LRRC40: variants seen among roughly 807,000 people sequenced by gnomAD.
The protein encoded by LRRC40 is leucine-rich repeat-containing protein 40.
Under a neutral mutation model 72.8 loss-of-function variants are expected in LRRC40, and 76 were observed. The ratio of observed to expected loss-of-function variants is 1.04; its 90% CI spans 0.87 to 1.26. The LOEUF is 1.26. LRRC40 is among the 50% of genes most tolerant of loss of function. The pLI is 0.00. For missense variants in LRRC40, 684 were observed against 698.9 expected, an observed-to-expected ratio of 0.98 and a Z score of 0.24; for synonymous variants, 243 against 254.2, an observed-to-expected ratio of 0.96 and a Z score of 0.42.
chr1:70,163,073 CCTTTT>C (rs1239534699), intron 9 of LRRC40, among the ~76,000 whole-genome samples: 1 of 150,306 alleles, frequency 6.7e-6, no homozygotes, highest in Non-Finnish European at 1.5e-5. Flanking sequence ...TTTTTCCTTT[CCTTTT>C]CTTTTTTTTT....
intron 6 of LRRC40, among the ~76,000 whole-genome samples, chr1:70,176,660 T>A (rs986441499): frequency 8.6e-5 from 13 of 151,948 alleles, no homozygotes; most frequent in African/African-American, 3.1e-4. Flanking sequence ...GTTATTGATA[T>A]TATGCAGTTG....
Position 70,155,696 on chromosome 1 carries a change from G to A in LRRC40, c.1321C>T (p.Pro441Ser). 6.6e-7 allele frequency: 1 copy of A among 1,505,008 alleles called. No homozygotes were observed. The highest frequency in any genetic ancestry group is 9.0e-7 in the Non-Finnish European group (1 of 1,105,892). 93.2% of individuals were successfully genotyped at this position (1,505,008 alleles called of 1,614,324 possible). Residue 441 changes from proline (P) to serine (S), a missense_variant, in exon 11 of 15, where the codon CCA becomes TCA. Physicochemically the swap from Pro to Ser is moderately conservative, Grantham distance 74. Transcript: ENST00000370952. ...TGGCATCATAGTTCTTACCTTTTTG[G>A]AATTTCACATAGTTGATTCTTACTG... ...NFSKNQLCEI[P>S]KRMVELKEMV...
chr1:70,177,408 T>C (rs1331239869), intron 6 of LRRC40, among the ~76,000 whole-genome samples: 1 of 152,220 alleles, frequency 6.6e-6, no homozygotes, highest in African/African-American at 2.4e-5. Context: ...GGTGAGCCTA[T>C]GTTGTGAGTA....
At chr1:70,153,129 G>T (rs985967370) in intron 11 of LRRC40, among the ~76,000 whole-genome samples, 1 of 152,178 alleles carries the variant, frequency 6.6e-6, no homozygotes, top group Non-Finnish European at 1.5e-5. Context: ...AGGAGGCTGA[G>T]GCAGGTGGAT....
At position 70,205,374 on chromosome 1, in the gene LRRC40, T is replaced by A. The variant is rs1389018887; in HGVS notation, c.151+16A>T. 1 of 1,565,732 alleles carries A rather than the reference T, an allele frequency of 6.4e-7. No individual in the cohort carries two copies. Among genetic ancestry groups the A allele is most frequent in the Non-Finnish European group, 8.7e-7 (1 of 1,144,404 alleles). On this transcript the variant is annotated intron_variant, in intron 1 of 14. Transcript: ENST00000370952. ...TCTGACAGGAGACACAATAGGGTCG[T>A]ACCTCTGGGTCTTACCTTCACTGAG...
At chr1:70,190,373 A>G (rs1363440638) in intron 1 of LRRC40, among the ~76,000 whole-genome samples, 1 of 152,020 alleles carries the variant, frequency 6.6e-6, no homozygotes, top group Non-Finnish European at 1.5e-5. Context: ...AAGGCATGAG[A>G]CTTATACTCA....
intron 1 of LRRC40, among the ~76,000 whole-genome samples, chr1:70,193,308 G>T (rs1025583316): frequency 6.6e-6 from 1 of 151,872 alleles, no homozygotes; most frequent in Non-Finnish European, 1.5e-5. Flanking sequence ...GAATGTCATA[G>T]ATCCCACAGA....
At position 70,155,716 on chromosome 1, in the gene LRRC40, T is replaced by C. The variant is rs754295640; in HGVS notation, c.1301A>G (p.Lys434Arg). The C allele has an allele frequency of 6.4e-7, 1 of 1,567,126 alleles. No homozygotes were observed. The highest frequency in any genetic ancestry group is 1.7e-5 in the Admixed American group (1 of 58,604). Reference sequence around the variant, plus strand: ...TTTTGGAATTTCACATAGTTGATTCTTACTGAAGTTAATAGAAGTGACGAT... The same window carrying C: ...TTTTGGAATTTCACATAGTTGATTCCTACTGAAGTTAATAGAAGTGACGAT... Reference protein sequence around the residue: ...SNIVTSINFSKNQLCEIPKRM... With the variant: ...SNIVTSINFSRNQLCEIPKRM... The change falls in exon 11 of 15, where the codon AAG becomes AGG. Residue 434 changes from lysine (K) to arginine (R), a missense_variant. Physicochemically the swap from Lys to Arg is conservative, Grantham distance 26. Coordinates refer to ENST00000370952, the MANE Select transcript of LRRC40 (RefSeq NM_017768.5).
At chr1:70,190,705 A>ACTT (rs1571488921) in intron 1 of LRRC40, among the ~76,000 whole-genome samples, 2 of 141,426 alleles carry the variant, frequency 1.4e-5, no homozygotes, top group Non-Finnish European at 3.1e-5. Context: ...AACTTAAAAA[A>ACTT]AGAAAAAGAA....
chr1:70,200,825 G>A (rs756343937), intron 1 of LRRC40, among the ~76,000 whole-genome samples: 8 of 152,158 alleles, frequency 5.3e-5, no homozygotes, highest in African/African-American at 1.2e-4. Flanking sequence ...AAAAGAGAGC[G>A]TGCAAGAGAG....
chr1:70,181,726 G>A (rs892083107), intron 4 of LRRC40, among the ~76,000 whole-genome samples: 1 of 151,940 alleles, frequency 6.6e-6, no homozygotes, highest in Non-Finnish European at 1.5e-5. Context: ...TTCTTCTGCT[G>A]ACCTCAGAAA....
intron 9 of LRRC40, among the ~76,000 whole-genome samples, chr1:70,166,062 GCA>G (rs1312259987): frequency 6.6e-6 from 1 of 152,188 alleles, no homozygotes; most frequent in Non-Finnish European, 1.5e-5. Context: ...CTTAGATTAT[GCA>G]CACACATAAT....
intron 1 of LRRC40, among the ~76,000 whole-genome samples, chr1:70,193,501 G>A (rs528024347): frequency 6.6e-6 from 1 of 151,900 alleles, no homozygotes; most frequent in South Asian, 2.1e-4. Flanking sequence ...ATTCCAGGCA[G>A]ACATTTTCAC....
intron 10 of LRRC40, among the ~76,000 whole-genome samples, chr1:70,156,535 T>G (rs767314952): frequency 8.5e-5 from 13 of 152,324 alleles, no homozygotes; most frequent in Middle Eastern, 6.8e-3. Flanking sequence ...AAATTTTCAG[T>G]AAGGTTTTCA....
intron 1 of LRRC40, among the ~76,000 whole-genome samples, chr1:70,193,867 T>A (rs1047126522): frequency 6.6e-6 from 1 of 151,852 alleles, no homozygotes; most frequent in Non-Finnish European, 1.5e-5. Flanking sequence ...ATTGTTGAGA[T>A]ACAAAAAAAG....
chr1:70,167,550 ACT>A (rs1667910382), intron 9 of LRRC40, among the ~76,000 whole-genome samples: 1 of 152,084 alleles, frequency 6.6e-6, no homozygotes, highest in South Asian at 2.1e-4. Context: ...ACAGAATGAG[ACT>A]CTGTCTGAAA....
rs773401722 is a variant in LRRC40, at chr1:70,152,448, G to C, written c.1424C>G (p.Thr475Ser). Residue 475 changes from threonine (T) to serine (S), a missense_variant, in exon 12 of 15, where the codon ACT becomes AGT. Coordinates refer to ENST00000370952, the MANE Select transcript of LRRC40 (RefSeq NM_017768.5). ...SLELCVLQKL[T>S]FLDLRNNFLN... ...CAATAAATACCTGAGATCTAAAAAA[G>C]TCAATTTCTGAAGCACACATAACTC... 8 of 1,568,888 alleles carry C rather than the reference G, an allele frequency of 5.1e-6. No homozygotes were observed. The highest frequency in any genetic ancestry group is 7.0e-6 in the Non-Finnish European group (8 of 1,141,726).
intron 1 of LRRC40, among the ~76,000 whole-genome samples, chr1:70,190,979 T>C (rs1370365230): frequency 6.6e-6 from 1 of 151,892 alleles, no homozygotes; most frequent in African/African-American, 2.4e-5. Flanking sequence ...TCATTGTTAT[T>C]TTGGTATGTA....
chr1:70,184,204 C>T (rs971397398), intron 4 of LRRC40, among the ~76,000 whole-genome samples: 5 of 152,038 alleles, frequency 3.3e-5, no homozygotes, highest in South Asian at 2.1e-4. Context: ...AGCGAGATTG[C>T]GCCACTGCAC....
Sources: allele counts gnomAD v4.1 joint callset (sites outside exome capture counted in the v4.1 genomes callset), GRCh38; gene constraint gnomAD v4.1.1; transcripts MANE v1.5; gene names NCBI Gene and HGNC (gene_info 2026-07-23, HGNC 2026-07-21).